ZSCAN31: variants seen among roughly 807,000 people sequenced by gnomAD.
ZSCAN31 encodes the protein zinc finger and SCAN domain containing 31, also known as zinc finger and SCAN domain-containing protein 31.
In ZSCAN31, 14 loss-of-function variants were observed where a neutral mutation model predicts 22.5. The ratio of observed to expected loss-of-function variants is 0.62; its 90% CI spans 0.41 to 0.97. ZSCAN31 has a LOEUF of 0.97. Ranked by LOEUF, ZSCAN31 falls within the 50% of genes least tolerant of loss-of-function variation. ZSCAN31 has a pLI of 0.00. For synonymous variants in ZSCAN31, 168 were observed against 169.8 expected (o/e 0.99, Z 0.08); for missense variants, 424 against 483.4 (o/e 0.88, Z 1.15).
upstream of ZSCAN31, chr6:28,355,191 C>T (rs1333921032): frequency 6.6e-6 from 1 of 152,152 alleles, no homozygotes; most frequent in Non-Finnish European, 1.5e-5. Flanking sequence ...CCTAAGACTT[C>T]CTGTAATTGT....
chr6:28,346,167 C>T (rs1464046241), intron 2 of ZSCAN31, among the ~76,000 whole-genome samples: 1 of 151,926 alleles, frequency 6.6e-6, no homozygotes, highest in East Asian at 1.9e-4. Context: ...TTTTTGCCTC[C>T]TTTTTCTGAC....
In ZSCAN31 at chr6:28,327,469, T is replaced by C. The variant is rs775988204; in HGVS notation, c.446A>G (p.Lys149Arg). ...AAGCTGTATGTCTGTTGGTTCCTGC[T>C]TGACCTTCAGATGTTCCACATCCTC... is the stretch of plus-strand genomic sequence containing the variant. The part of the protein sequence containing the change: ...LLEDVEHLKV[K>R]QEPTDIQLQP... The change falls in exon 3 of 4, where the codon AAG becomes AGG. Residue 149 changes from lysine to arginine, a missense_variant. Physicochemically the swap from Lys to Arg is conservative, Grantham distance 26 (BLOSUM62 2). Coordinates refer to ENST00000344279, the MANE Select transcript of ZSCAN31 (RefSeq NM_030899.5). 1 of 1,614,074 alleles carries C rather than the reference T, an allele frequency of 6.2e-7. No individual in the cohort carries two copies. Among genetic ancestry groups the C allele is most frequent in the Admixed American group, 1.7e-5 (1 of 60,022 alleles).
Position 28,325,182 on chromosome 6 carries a change from C to T in ZSCAN31, c.*984G>A, listed in dbSNP as rs1333099858. 1 of 152,142 alleles carries T rather than the reference C, an allele frequency of 6.6e-6. No individual in the cohort carries two copies. The highest frequency in any genetic ancestry group is 1.5e-5 in the Non-Finnish European group (1 of 68,022). The allele number at this position is 152,142 out of a possible 1,614,324, so 9.4% of individuals were successfully genotyped here. A position where few individuals can be genotyped will look rare whatever the true frequency, so the allele number is the denominator to read the frequency against. ...TCTCCCCAGTAAGCAGCAAGCTGCC[C>T]AAGATATCAGACTTCTTTTCTTTAT... On this transcript the variant is annotated 3_prime_UTR_variant, in exon 4 of 4. Transcript: ENST00000344279.
intron 2 of ZSCAN31, among the ~76,000 whole-genome samples, chr6:28,328,079 G>A (rs773418082): frequency 8.5e-5 from 13 of 152,348 alleles, no homozygotes; most frequent in Non-Finnish European, 1.5e-4. Context: ...GCGAATAGGT[G>A]TGGGACACAG....
chr6:28,341,141 A>G (rs1764395178), upstream of ZSCAN31, among the ~76,000 whole-genome samples: 1 of 152,232 alleles, frequency 6.6e-6, no homozygotes, highest in African/African-American at 2.4e-5. Context: ...ATATATCCTT[A>G]TGAGAATTCC....
At chr6:28,350,654 G>A (rs1764939569) in intron 2 of ZSCAN31, among the ~76,000 whole-genome samples, 2 of 152,130 alleles carry the variant, frequency 1.3e-5, no homozygotes, top group South Asian at 2.1e-4. Context: ...TTTATTAGTG[G>A]TACTATTATT....
chr6:28,346,342 CTTTTTTTTT>C lies in ZSCAN31; in HGVS notation c.-370-4559_-370-4551del, dbSNP rs5875155. ...GCTTCTTGCTTCTCCTCAGTACAAT[CTTTTTTTTT>C]TTTTTTTTTTTTTTTTAAACTGAGT... On this transcript the variant is annotated intron_variant, in intron 2 of 7. Coordinates refer to the ZSCAN31 transcript ENST00000396838. Among the ~76,000 whole-genome samples, 34 of 87,774 alleles carry C rather than the reference CTTTTTTTTT, an allele frequency of 3.9e-4. 1 individual carries two copies. The highest frequency in any genetic ancestry group is 1.2e-3 in the African/African-American group (26 of 21,384). The allele number at this position is 87,774 out of a possible 152,430, so 57.6% of individuals were successfully genotyped here.
At chr6:28,328,891 G>C (rs1036655661) in intron 2 of ZSCAN31, among the ~76,000 whole-genome samples, 1 of 152,144 alleles carries the variant, frequency 6.6e-6, no homozygotes, top group African/African-American at 2.4e-5. Context: ...GCTTCAGCTG[G>C]TCCCTCCATT....
upstream of ZSCAN31, among the ~76,000 whole-genome samples, chr6:28,338,067 A>G (rs571053129): frequency 7.0e-5 from 10 of 142,434 alleles, no homozygotes; most frequent in East Asian, 1.2e-3. Context: ...ATAAATAAAT[A>G]AAGAAGGAAA....
At chr6:28,343,502 G>A (rs1162046441) in intron 2 of ZSCAN31, among the ~76,000 whole-genome samples, 1 of 149,004 alleles carries the variant, frequency 6.7e-6, no homozygotes, top group East Asian at 2.0e-4. Context: ...CAGCTACAAT[G>A]CTATATGCTG....
chr6:28,348,074 C>G (rs1581703452), intron 2 of ZSCAN31, among the ~76,000 whole-genome samples: 1 of 151,098 alleles, frequency 6.6e-6, no homozygotes, highest in African/African-American at 2.4e-5. Flanking sequence ...TGGCTTTTTT[C>G]TCTCTTATTC....
At chr6:28,354,033 C>G in intron 1 of ZSCAN31, 1 of 442,014 alleles carries the variant, frequency 2.3e-6, no homozygotes, top group Non-Finnish European at 4.6e-6. Context: ...CGGCTGCCTC[C>G]TCCGACCGCA....
intron 2 of ZSCAN31, among the ~76,000 whole-genome samples, chr6:28,345,544 T>G (rs1764609749): frequency 6.6e-6 from 1 of 152,174 alleles, no homozygotes; most frequent in South Asian, 2.1e-4. Flanking sequence ...TGATACAACA[T>G]CATGAGGGGA....
At chr6:28,334,758 C>G (rs559856490) in intron 1 of ZSCAN31, among the ~76,000 whole-genome samples, 31 of 152,230 alleles carry the variant, frequency 2.0e-4, no homozygotes, top group African/African-American at 7.2e-4. Flanking sequence ...CTAGTTGGTA[C>G]AAACAGGTAT....
intron 1 of ZSCAN31, chr6:28,335,447 C>T (rs1467824106): frequency 2.6e-5 from 4 of 152,270 alleles, no homozygotes; most frequent in African/African-American, 9.7e-5. Flanking sequence ...GTTTCTTCTC[C>T]TTTTGTGGGT....
At chr6:28,328,794 A>G (rs965277718) in intron 2 of ZSCAN31, among the ~76,000 whole-genome samples, 3 of 152,236 alleles carry the variant, frequency 2.0e-5, no homozygotes, top group Non-Finnish European at 4.4e-5. Context: ...ACTGCAGTAA[A>G]GACAGGCATA....
upstream of ZSCAN31, among the ~76,000 whole-genome samples, chr6:28,339,674 C>A (rs187096110): frequency 6.6e-6 from 1 of 152,216 alleles, no homozygotes; most frequent in East Asian, 1.9e-4. Flanking sequence ...TTAAATCATG[C>A]CAAAATATCT....
intron 2 of ZSCAN31, among the ~76,000 whole-genome samples, chr6:28,350,780 T>C (rs1346408643): frequency 1.3e-5 from 2 of 152,134 alleles, no homozygotes; most frequent in East Asian, 3.8e-4. Context: ...GAGGGAAAAA[T>C]AAGATACTCT....
intron 1 of ZSCAN31, chr6:28,354,094 C>T: frequency 2.6e-6 from 1 of 380,444 alleles, no homozygotes; most frequent in Non-Finnish European, 5.2e-6. Context: ...ACACTTACAG[C>T]TGTACTCCTT....
Sources: allele counts gnomAD v4.1 joint callset (sites outside exome capture counted in the v4.1 genomes callset), GRCh38; gene constraint gnomAD v4.1.1; transcripts MANE v1.5; gene names NCBI Gene and HGNC (gene_info 2026-07-23, HGNC 2026-07-21).